The following CNTN5 variants were observed in gnomAD, a reference collection of about 807,000 sequenced individuals.
CNTN5 encodes contactin-5.
A neutral mutation model predicts 129.1 loss-of-function variants in CNTN5; 77 were observed. That is an observed-to-expected ratio of 0.60 (90% CI 0.50 to 0.72). The LOEUF is 0.72. Ranked by LOEUF, CNTN5 falls within the 30% of genes least tolerant of loss-of-function variation. The pLI is 0.00. For missense variants in CNTN5, 1,478 were observed against 1,328.8 expected (o/e 1.11, Z -1.75); for synonymous variants, 509 against 465.6 (o/e 1.09, Z -1.20).
intron 3 of CNTN5, 160 bp from the exon 4 acceptor site, chr11:99,819,384 A>AC: frequency 1.8e-6 from 1 of 545,426 alleles, no homozygotes; most frequent in Non-Finnish European, 3.0e-6. Context: ...AATATTAAAA[A>AC]ATATAAAAGT....
intron 2 of CNTN5, among the ~76,000 whole-genome samples, chr11:99,341,347 C>A (rs766504005): frequency 4.7e-4 from 72 of 152,078 alleles, no homozygotes; most frequent in Non-Finnish European, 8.8e-4. Context: ...CATGTGAATA[C>A]AAATAGTTTA....
intron 2 of CNTN5, among the ~76,000 whole-genome samples, chr11:99,493,098 A>G (rs865885862): frequency 2.0e-5 from 3 of 152,322 alleles, no homozygotes; most frequent in African/African-American, 7.2e-5. Context: ...CCCAGGCACC[A>G]TATTCTGAGA....
At chr11:99,913,168 C>T (rs976834034) in intron 6 of CNTN5, among the ~76,000 whole-genome samples, 11 of 151,976 alleles carry the variant, frequency 7.2e-5, no homozygotes, top group African/African-American at 2.7e-4. Flanking sequence ...TTAAATACCT[C>T]CAAAGAAATT....
At chr11:99,926,923 T>C (rs1950075619) in intron 7 of CNTN5, among the ~76,000 whole-genome samples, 1 of 152,200 alleles carries the variant, frequency 6.6e-6, no homozygotes, top group Non-Finnish European at 1.5e-5. Context: ...AATACGTTAA[T>C]GTTGTATTCT....
At chr11:100,304,962 G>C (rs1250138357) in intron 20 of CNTN5, among the ~76,000 whole-genome samples, 1 of 151,240 alleles carries the variant, frequency 6.6e-6, no homozygotes, top group East Asian at 2.0e-4. Context: ...CATCTATTTT[G>C]CCTCTTTTTT....
chr11:100,152,747 A>G (rs909627056), intron 13 of CNTN5, among the ~76,000 whole-genome samples: 3 of 152,154 alleles, frequency 2.0e-5, no homozygotes, highest in African/African-American at 7.2e-5. Context: ...CTCATTATTA[A>G]TGATTCTTTA....
chr11:100,093,558 T>C (rs935837675), intron 13 of CNTN5, among the ~76,000 whole-genome samples: 8 of 152,122 alleles, frequency 5.3e-5, no homozygotes, highest in Non-Finnish European at 8.8e-5. Context: ...TGAGCCACTG[T>C]GCCTGGCCCA....
chr11:99,778,323 G>T (rs1054407651), intron 3 of CNTN5, among the ~76,000 whole-genome samples: 28 of 151,734 alleles, frequency 1.8e-4, no homozygotes, highest in Non-Finnish European at 3.8e-4. Flanking sequence ...GCAATGATTA[G>T]GTGTAGGTCT....
chr11:99,569,115 A>T (rs565971756), intron 3 of CNTN5, among the ~76,000 whole-genome samples: 2 of 151,788 alleles, frequency 1.3e-5, no homozygotes, highest in Non-Finnish European at 2.9e-5. Context: ...TGAAGTGAAA[A>T]TTTTTTATTT....
chr11:100,270,966 GACC>G (rs1950397068), intron 17 of CNTN5, 123 bp from the exon 18 acceptor site: 5 of 709,038 alleles, frequency 7.1e-6, no homozygotes, highest in Non-Finnish European at 1.1e-5. Context: ...GTGACACCAT[GACC>G]ACGTGTCGTG....
chr11:99,413,593 T>A (rs1371436838), intron 2 of CNTN5, among the ~76,000 whole-genome samples: 3 of 151,184 alleles, frequency 2.0e-5, no homozygotes, highest in Non-Finnish European at 4.4e-5. Flanking sequence ...CACTCCAACG[T>A]GGGCAACAGA....
intron 3 of CNTN5, among the ~76,000 whole-genome samples, chr11:99,582,673 C>T (rs1346926117): frequency 1.3e-5 from 2 of 152,194 alleles, no homozygotes; most frequent in East Asian, 3.8e-4. Flanking sequence ...TTTTCAGCTC[C>T]ATCAGGTCCT....
At position 99,315,792 on chromosome 11, in the gene CNTN5, G is replaced by A. The variant is rs1865314648; in HGVS notation, c.-209-9554G>A. Reference sequence around the variant, plus strand: ...TAGAAGGTGACAGGGATTACACAGGGATTGAATATATATTGCAAGCCAGTG... The same window carrying A: ...TAGAAGGTGACAGGGATTACACAGGAATTGAATATATATTGCAAGCCAGTG... On this transcript the variant is annotated intron_variant, in intron 1 of 24. Coordinates refer to ENST00000524871, the MANE Select transcript of CNTN5 (RefSeq NM_014361.4). 2.0e-5 allele frequency among the ~76,000 whole-genome samples: 3 copies of A among 148,916 alleles called. No individual in the cohort carries two copies. The South Asian group carries it at 6.5e-4, about 32-fold the overall frequency.
intron 8 of CNTN5, among the ~76,000 whole-genome samples, chr11:99,975,261 A>T (rs900666391): frequency 2.0e-5 from 3 of 152,318 alleles, no homozygotes; most frequent in South Asian, 2.1e-4. Flanking sequence ...GATGTGAGAC[A>T]TGGAGTCATT....
Position 100,273,332 on chromosome 11 carries a change from C to T in CNTN5, c.2314+2091C>T, listed in dbSNP as rs1003420460. ...ACAACTCCCACATGAGTTTGCTGGGCGTGTCTGCTTAGGGGTAGGGGTGGG... is the reference window on the plus strand; with the variant it reads ...ACAACTCCCACATGAGTTTGCTGGGTGTGTCTGCTTAGGGGTAGGGGTGGG... On this transcript the variant is annotated intron_variant, in intron 18 of 24. Coordinates refer to ENST00000524871, the MANE Select transcript of CNTN5 (RefSeq NM_014361.4). Among the ~76,000 whole-genome samples the T allele has an allele frequency of 4.6e-5, 7 of 152,092 alleles. No homozygotes were observed. The South Asian group carries it at 6.2e-4, about 14-fold the overall frequency.
intron 13 of CNTN5, among the ~76,000 whole-genome samples, chr11:100,143,291 T>C (rs898915238): frequency 8.5e-5 from 13 of 152,172 alleles, no homozygotes; most frequent in South Asian, 4.1e-4. Flanking sequence ...TCTCCCTTAT[T>C]ATCTCAGTAT....
intron 6 of CNTN5, among the ~76,000 whole-genome samples, chr11:99,884,790 A>C (rs1042242494): frequency 6.6e-6 from 1 of 152,178 alleles, no homozygotes; most frequent in Non-Finnish European, 1.5e-5. Flanking sequence ...CAGCCTGACC[A>C]AAATGGTGAA....
intron 3 of CNTN5, among the ~76,000 whole-genome samples, chr11:99,671,307 T>A (rs1396797775): frequency 6.6e-6 from 1 of 152,138 alleles, no homozygotes; most frequent in Non-Finnish European, 1.5e-5. Context: ...GTGCCTGAAA[T>A]GTATGAGATC....
chr11:99,221,660 T>C (rs763829912), intron 1 of CNTN5, among the ~76,000 whole-genome samples: 1 of 151,912 alleles, frequency 6.6e-6, no homozygotes, highest in Non-Finnish European at 1.5e-5. Context: ...TACGTTGGAG[T>C]ACATTCTATA....
Sources: allele counts gnomAD v4.1 joint callset (sites outside exome capture counted in the v4.1 genomes callset), GRCh38; gene constraint gnomAD v4.1.1; transcripts MANE v1.5; gene names NCBI Gene and HGNC (gene_info 2026-07-23, HGNC 2026-07-21).